Variants in ACSM6 observed in about 807,000 individuals in gnomAD.
ACSM6 encodes the protein acyl-CoA synthetase medium chain family member 6, also known as acyl-coenzyme A synthetase ACSM6, mitochondrial.
ACSM6 carries 35 observed loss-of-function variants against 51.1 expected under a neutral mutation model. The observed-to-expected ratio is 0.69, with a 90% CI of 0.52 to 0.91. ACSM6 has a LOEUF of 0.91. Ranked by LOEUF, ACSM6 falls within the 40% of genes least tolerant of loss-of-function variation. ACSM6 has a pLI of 0.00. For missense variants in ACSM6, 509 were observed against 584.1 expected (o/e 0.87, Z 1.32); for synonymous variants, 172 against 207.3 (o/e 0.83, Z 1.46).
exon 5 of ACSM6, chr10:95,210,674 C>T: frequency 6.2e-7 from 1 of 1,613,930 alleles, no homozygotes; most frequent in Non-Finnish European, 8.5e-7. Flanking sequence ...AGCAGACCTA[C>T]ATGAGGACCA....
At chr10:95,211,590 C>A (rs1480031756) in intron 5 of ACSM6, among the ~76,000 whole-genome samples, 4 of 152,172 alleles carry the variant, frequency 2.6e-5, no homozygotes, top group Non-Finnish European at 2.9e-5. Flanking sequence ...TTAATCAATC[C>A]ATTAATTAAT....
chr10:95,223,563 G>A (rs1024693992), intron 9 of ACSM6, among the ~76,000 whole-genome samples: 1 of 151,768 alleles, frequency 6.6e-6, no homozygotes, highest in African/African-American at 2.4e-5. Context: ...ATAAAACAAA[G>A]TACACAAATC....
intron 3 of ACSM6, among the ~76,000 whole-genome samples, chr10:95,205,909 CA>C (rs2034835223): frequency 6.6e-6 from 1 of 152,122 alleles, no homozygotes; most frequent in South Asian, 2.1e-4. Context: ...AGGTCTTTTC[CA>C]CTGTGTCCCT....
chr10:95,208,985 C>T (rs962015706), intron 4 of ACSM6, among the ~76,000 whole-genome samples: 10 of 128,366 alleles, frequency 7.8e-5, no homozygotes, highest in African/African-American at 2.1e-4. Context: ...AGTCAAACCC[C>T]GACCCTCATG....
At chr10:95,212,031 A>T (rs1292815499) in exon 6 of ACSM6, 1 of 1,613,854 alleles carries the variant, frequency 6.2e-7, no homozygotes, top group African/African-American at 1.3e-5. Flanking sequence ...AGACTGTTCT[A>T]AATGTAAGAT....
chr10:95,203,186 G>T (rs621299), intron 3 of ACSM6, among the ~76,000 whole-genome samples: 1 of 151,732 alleles, frequency 6.6e-6, no homozygotes, highest in African/African-American at 2.4e-5. Context: ...CTGTGCATGC[G>T]AGGAATCTGG....
At chr10:95,197,120 T>TCATA (rs1215663445) in intron 2 of ACSM6, among the ~76,000 whole-genome samples, 1 of 152,234 alleles carries the variant, frequency 6.6e-6, no homozygotes, top group African/African-American at 2.4e-5. Context: ...GTGTGTTTCT[T>TCATA]CATACATACA....
At chr10:95,204,478 C>T (rs1406619029) in intron 3 of ACSM6, among the ~76,000 whole-genome samples, 1 of 151,988 alleles carries the variant, frequency 6.6e-6, no homozygotes, top group Non-Finnish European at 1.5e-5. Context: ...CGCTTGAACC[C>T]GAGAGGTGGA....
chr10:95,207,557 AGGT>A, intron 4 of ACSM6, 142 bp downstream of exon 4: 1 of 879,280 alleles, frequency 1.1e-6, no homozygotes, highest in Admixed American at 2.0e-5. Flanking sequence ...ATGTATGAGA[AGGT>A]GGTGTGAGTG....
intron 3 of ACSM6, among the ~76,000 whole-genome samples, chr10:95,202,971 G>A (rs1487826151): frequency 1.3e-5 from 2 of 151,132 alleles, no homozygotes; most frequent in African/African-American, 4.9e-5. Flanking sequence ...AGAGAAGGTA[G>A]GAATATCTCT....
intron 10 of ACSM6, among the ~76,000 whole-genome samples, chr10:95,228,074 A>T (rs1180849759): frequency 7.0e-6 from 1 of 143,272 alleles, no homozygotes; most frequent in Non-Finnish European, 1.5e-5. Flanking sequence ...TGTTTCAATT[A>T]AAAAAAAAAA....
rs188549156 is a variant in ACSM6 at position 95,219,182 on chromosome 10, C to T, written c.1120-709C>T. Among the ~76,000 whole-genome samples, 52 of 152,292 alleles carry T rather than the reference C, an allele frequency of 3.4e-4. No homozygotes were observed. The East Asian group carries it at 7.5e-3, about 22-fold the overall frequency. On this transcript the variant is annotated intron_variant, in intron 8 of 10. Coordinates refer to ENST00000341686, the Ensembl canonical transcript of ACSM6. ...GCATGTATGCTGAAGTATTTCTCAGCAGCCAACAATTACTTATTTTTGAGA... is the reference window on the plus strand; with the variant it reads ...GCATGTATGCTGAAGTATTTCTCAGTAGCCAACAATTACTTATTTTTGAGA...
intron 5 of ACSM6, 110 bp downstream of exon 5, chr10:95,210,903 A>G: frequency 3.9e-6 from 5 of 1,295,628 alleles, no homozygotes; most frequent in Non-Finnish European, 5.2e-6. Context: ...GACTGCAGAA[A>G]GTGTCAATAT....
At chr10:95,207,181 G>T (rs763244848) in intron 3 of ACSM6, 27 bp from the exon 4 acceptor site, 3 of 1,586,774 alleles carry the variant, frequency 1.9e-6, no homozygotes, top group Non-Finnish European at 1.7e-6. Flanking sequence ...AGATAAAAAT[G>T]AAGCCTTCTT....
intron 7 of ACSM6, 111 bp downstream of exon 7, chr10:95,213,051 C>T (rs2034909634): frequency 1.2e-6 from 1 of 852,068 alleles, no homozygotes; most frequent in African/African-American, 1.7e-5. Flanking sequence ...CGGTAACACA[C>T]TTGTCTTGTT....
chr10:95,197,937 G>A (rs918490637), intron 2 of ACSM6, among the ~76,000 whole-genome samples: 7 of 152,212 alleles, frequency 4.6e-5, no homozygotes, highest in Non-Finnish European at 1.0e-4. Context: ...ACTAGAGAAT[G>A]GCGATGACTT....
At chr10:95,220,764 A>C (rs750241586) in intron 9 of ACSM6, among the ~76,000 whole-genome samples, 1 of 152,132 alleles carries the variant, frequency 6.6e-6, no homozygotes. Context: ...ATTTAACAGG[A>C]TGTGGAAGTT....
chr10:95,202,087 G>A (rs780181629), exon 3 of ACSM6: 57 of 1,552,108 alleles, frequency 3.7e-5, no homozygotes, highest in Middle Eastern at 1.7e-4. Context: ...CAAGAAGGCC[G>A]CCAGCATCCT....
intron 9 of ACSM6, among the ~76,000 whole-genome samples, chr10:95,224,436 G>C (rs1226445570): frequency 1.3e-5 from 2 of 152,160 alleles, no homozygotes; most frequent in African/African-American, 4.8e-5. Context: ...TCTTTTTTGA[G>C]ACAGAGTTTT....
Sources: allele counts gnomAD v4.1 joint callset (sites outside exome capture counted in the v4.1 genomes callset), GRCh38; gene constraint gnomAD v4.1.1; transcripts MANE v1.5; gene names NCBI Gene and HGNC (gene_info 2026-07-23, HGNC 2026-07-21).